METTL21C: variants seen among roughly 807,000 people sequenced by gnomAD.
METTL21C encodes the protein methyltransferase 21C, AARS1 lysine, also known as protein-lysine methyltransferase METTL21C.
METTL21C carries 21 observed loss-of-function variants against 25.9 expected under a neutral mutation model. The ratio of observed to expected loss-of-function variants is 0.81; its 90% CI spans 0.58 to 1.17. The LOEUF (loss-of-function observed/expected upper bound fraction) is 1.17, where lower values mean the gene tolerates loss of function less well. METTL21C is among the 50% of genes most tolerant of loss of function. The pLI is 0.00. For synonymous variants in METTL21C, 125 were observed against 124.7 expected, an observed-to-expected ratio of 1.00 and a Z score of -0.01; for missense variants, 312 against 315.1, an observed-to-expected ratio of 0.99 and a Z score of 0.07.
upstream of METTL21C, among the ~76,000 whole-genome samples, chr13:102,699,166 C>T (rs1057128206): frequency 1.3e-5 from 2 of 152,198 alleles, no homozygotes; most frequent in Non-Finnish European, 2.9e-5. Flanking sequence ...CCCTCCTACC[C>T]TTCTTCTCAC....
At chr13:102,695,112 C>T (rs934734093), upstream of METTL21C, among the ~76,000 whole-genome samples, 1 of 152,082 alleles carries the variant, frequency 6.6e-6, no homozygotes, top group African/African-American at 2.4e-5. Flanking sequence ...ATTTTGTGCT[C>T]ATTTGCCAAA....
chr13:102,690,969 GA>G lies in METTL21C; in HGVS notation c.131-6del. The G allele has an allele frequency of 6.2e-7, 1 of 1,612,824 alleles. No individual in the cohort carries two copies. Among genetic ancestry groups the G allele is most frequent in the Non-Finnish European group, 8.5e-7 (1 of 1,179,658 alleles). ...ATGGTTCTATCTTGTTGGATTCTGT[GA>G]AGCAGAAAAATAAAATGGAGTTCAT... On this transcript the variant is annotated splice_polypyrimidine_tract_variant and splice_region_variant and intron_variant, in intron 1 of 3. Transcript: ENST00000267273.
the METTL21C span, among the ~76,000 whole-genome samples, chr13:102,701,335 C>T: frequency 9.2e-5 from 14 of 152,220 alleles, no homozygotes; most frequent in African/African-American, 2.9e-4. Flanking sequence ...AGAGACATAG[C>T]ACCTTTCACA....
chr13:102,686,325 C>G lies in METTL21C; in HGVS notation c.501G>C (p.Val167=). 1 of 1,614,222 alleles carries G rather than the reference C, an allele frequency of 6.2e-7. No individual in the cohort carries two copies. Among genetic ancestry groups the G allele is most frequent in the South Asian group, 1.1e-5 (1 of 91,090 alleles). ...GGTCTTCCCCCCATACCAGTTCTTT[C>G]ACTTCAGGCAGATGTGCTGTACATT... The part of the protein sequence containing the change: ...TLQCTAHLPE[V]KELVWGEDLD... Residue 167 remains valine (V), a synonymous_variant, in exon 4 of 4, where the codon GTG becomes GTC. Coordinates refer to ENST00000267273, the MANE Select transcript of METTL21C (RefSeq NM_001010977.3).
chr13:102,704,023 G>A, the METTL21C span, among the ~76,000 whole-genome samples: 1 of 152,106 alleles, frequency 6.6e-6, no homozygotes. Flanking sequence ...GTTTTAAATT[G>A]GAAAGAAAAT....
At chr13:102,693,691 T>C (rs2138888971) in intron 1 of METTL21C, among the ~76,000 whole-genome samples, 1 of 152,340 alleles carries the variant, frequency 6.6e-6, no homozygotes, top group African/African-American at 2.4e-5. Context: ...AAGAAACATA[T>C]GTTTTTGTGC....
chr13:102,704,097 T>C, the METTL21C span, among the ~76,000 whole-genome samples: 1 of 152,272 alleles, frequency 6.6e-6, no homozygotes, highest in Non-Finnish European at 1.5e-5. Context: ...CAGCTTTGTA[T>C]AGAAAATGTT....
At chr13:102,702,618 G>A in the METTL21C span, among the ~76,000 whole-genome samples, 20 of 150,208 alleles carry the variant, frequency 1.3e-4, no homozygotes, top group Admixed American at 4.6e-4. Flanking sequence ...ACGGAGTCTC[G>A]CTCTTGTTGC....
chr13:102,691,322 G>C (rs945104114), intron 1 of METTL21C, among the ~76,000 whole-genome samples: 1 of 151,524 alleles, frequency 6.6e-6, no homozygotes. Flanking sequence ...TCTGGATACA[G>C]AGGAACTAGG....
At chr13:102,691,111 T>G in intron 1 of METTL21C, 147 bp from the exon 2 acceptor site, 1 of 871,074 alleles carries the variant, frequency 1.1e-6, no homozygotes, top group Non-Finnish European at 1.7e-6. Context: ...CGGCTGCAAA[T>G]TGGCACAAAA....
chr13:102,690,120 A>G (rs986578515), intron 2 of METTL21C, among the ~76,000 whole-genome samples: 7 of 152,118 alleles, frequency 4.6e-5, no homozygotes, highest in Non-Finnish European at 8.8e-5. Flanking sequence ...CCCCATGGAA[A>G]AGAGATGAAT....
At chr13:102,690,691 A>G in intron 2 of METTL21C, 122 bp downstream of exon 2, 1 of 1,174,618 alleles carries the variant, frequency 8.5e-7, no homozygotes. Context: ...GGGGGCAAGC[A>G]ACTGAACCTC....
chr13:102,688,718 C>T (rs768605835), intron 2 of METTL21C, among the ~76,000 whole-genome samples: 4 of 152,144 alleles, frequency 2.6e-5, no homozygotes, highest in Non-Finnish European at 5.9e-5. Flanking sequence ...TCACCTAGAG[C>T]CATTCAGAGG....
rs760847518 is a variant in METTL21C, at chr13:102,686,305, T to TC, written c.520dup (p.Glu174GlyfsTer15). 90 of 1,614,088 alleles carry TC rather than the reference T, an allele frequency of 5.6e-5. No individual in the cohort carries two copies. Among genetic ancestry groups the TC allele is most frequent in the Admixed American group, 3.2e-4 (19 of 60,006 alleles). On this transcript the variant is annotated frameshift_variant, in exon 4 of 4. Coordinates refer to ENST00000267273, the MANE Select transcript of METTL21C (RefSeq NM_001010977.3). LOFTEE classifies it high-confidence loss of function. ...CTTGGGAAAGTTTTTGTCCAGGTCT[T>TC]CCCCCCATACCAGTTCTTTCACTTC...
Position 102,692,049 on chromosome 13 carries a change from G to A in METTL21C, c.131-1085C>T, listed in dbSNP as rs190109158. On this transcript the variant is annotated intron_variant, in intron 1 of 3. Transcript: ENST00000267273. The stretch of plus-strand genomic sequence containing the variant: ...GAAAGAATTAACAGTGCGGAGAGTA[G>A]GGGGGAGGAAGGTCAGTTTTGTTTG... Among the ~76,000 whole-genome samples, 303 of 152,286 alleles carry A rather than the reference G, an allele frequency of 2.0e-3. 2 individuals carry two copies. The highest frequency in any genetic ancestry group is 7.0e-3 in the African/African-American group (290 of 41,566).
chr13:102,688,325 A>G (rs976234576), intron 2 of METTL21C, among the ~76,000 whole-genome samples: 1 of 152,232 alleles, frequency 6.6e-6, no homozygotes, highest in Non-Finnish European at 1.5e-5. Context: ...AAAGATGAAT[A>G]TGACGCAGTC....
chr13:102,688,110 T>G (rs1354874299), intron 2 of METTL21C, among the ~76,000 whole-genome samples: 3 of 152,228 alleles, frequency 2.0e-5, no homozygotes, highest in Non-Finnish European at 4.4e-5. Flanking sequence ...TATAATTTAC[T>G]TATACATTTA....
At chr13:102,699,449 A>T (rs7337982), upstream of METTL21C, among the ~76,000 whole-genome samples, 8 of 152,106 alleles carry the variant, frequency 5.3e-5, no homozygotes, top group African/African-American at 1.7e-4. Flanking sequence ...TCCTGTTCCC[A>T]TCCCAGAATA....
At chr13:102,693,110 A>G (rs959991826) in intron 1 of METTL21C, among the ~76,000 whole-genome samples, 1 of 152,176 alleles carries the variant, frequency 6.6e-6, no homozygotes, top group African/African-American at 2.4e-5. Flanking sequence ...CGCTGGGGAA[A>G]GACGTGCAGT....
Sources: gnomAD v4.1 joint callset for allele counts (sites outside exome capture counted in the v4.1 genomes callset) on GRCh38, gnomAD v4.1.1 for gene constraint, MANE v1.5 for transcripts, NCBI Gene and HGNC (gene_info 2026-07-23, HGNC 2026-07-21) for gene names.